Variants in ZNF837 observed in about 807,000 individuals in gnomAD.
ZNF837 encodes the protein zinc finger protein 837.
For missense variants in ZNF837, 955 were observed against 801.7 expected, an observed-to-expected ratio of 1.19 and a Z score of -2.31; for synonymous variants, 475 against 365.2, an observed-to-expected ratio of 1.30 and a Z score of -3.43.
At chr19:58,375,682 A>G (rs1029781253) in intron 1 of ZNF837, among the ~76,000 whole-genome samples, 82 of 150,736 alleles carry the variant, frequency 5.4e-4, no homozygotes, top group African/African-American at 1.9e-3. Context: ...TCCTGACCTC[A>G]TGATCCGCCT....
intron 1 of ZNF837, among the ~76,000 whole-genome samples, chr19:58,374,808 C>A (rs1301675291): frequency 2.0e-5 from 3 of 151,860 alleles, no homozygotes; most frequent in Non-Finnish European, 4.4e-5. Context: ...GTGGCACATT[C>A]CTGTAGTCCC....
chr19:58,380,050 T>C (rs757990126), intron 1 of ZNF837, among the ~76,000 whole-genome samples: 4 of 152,166 alleles, frequency 2.6e-5, no homozygotes, highest in Non-Finnish European at 5.9e-5. Flanking sequence ...GAAGTCAACG[T>C]TGGTGGCTCT....
At chr19:58,376,448 C>G (rs768336839) in intron 1 of ZNF837, among the ~76,000 whole-genome samples, 32 of 148,766 alleles carry the variant, frequency 2.2e-4, no homozygotes, top group Admixed American at 1.3e-3. Flanking sequence ...CCAGCTACTC[C>G]GGAGGCTGAG....
intron 1 of ZNF837, among the ~76,000 whole-genome samples, chr19:58,373,716 A>C (rs1162051734): frequency 6.6e-6 from 1 of 152,224 alleles, no homozygotes; most frequent in African/African-American, 2.4e-5. Flanking sequence ...GCTCATGGGC[A>C]CTGACCGTCC....
intron 1 of ZNF837, among the ~76,000 whole-genome samples, chr19:58,371,112 G>A (rs1228984562): frequency 2.0e-5 from 3 of 151,922 alleles, no homozygotes; most frequent in African/African-American, 4.8e-5. Flanking sequence ...GTGGTGGCGG[G>A]CGCCTGTAGT....
intron 1 of ZNF837, among the ~76,000 whole-genome samples, chr19:58,373,066 C>T (rs1013074666): frequency 3.7e-4 from 57 of 152,328 alleles, no homozygotes; most frequent in African/African-American, 1.3e-3. Context: ...GTGATAACTG[C>T]ACAACCCTCC....
intron 1 of ZNF837, among the ~76,000 whole-genome samples, chr19:58,376,550 GTC>G (rs1325939185): frequency 3.4e-5 from 2 of 59,340 alleles, no homozygotes; most frequent in African/African-American, 8.3e-5. Context: ...GCAAGACTCT[GTC>G]TCAAAAAAAA....
intron 1 of ZNF837, among the ~76,000 whole-genome samples, chr19:58,376,157 G>T (rs779394472): frequency 1.3e-4 from 20 of 152,142 alleles, no homozygotes; most frequent in East Asian, 7.8e-4. Flanking sequence ...GGCCTCAAGT[G>T]ATCCCCCTGC....
rs974474112 is a variant in ZNF837 at position 58,369,218 on chromosome 19, G to T, written c.115C>A (p.Arg39=). ...PEEPRPLEED[R]AGSRPTQKGD... Reference sequence around the variant, plus strand: ...TTTTGAGTGGGGCGGCTCCCAGCTCGGTCCTCTTCGAGGGGCCTCGGCTCC... The same window carrying T: ...TTTTGAGTGGGGCGGCTCCCAGCTCTGTCCTCTTCGAGGGGCCTCGGCTCC... Residue 39 remains arginine (R), a synonymous_variant, in exon 3 of 3, where the codon CGA becomes AGA. Transcript: ENST00000597582. The T allele has an allele frequency of 2.8e-6, 4 of 1,437,742 alleles. No homozygotes were observed. The highest frequency in any genetic ancestry group is 2.9e-5 in the South Asian group (2 of 68,374). The allele number at this position is 1,437,742 out of a possible 1,614,324, so 89.1% of individuals were successfully genotyped here. A position where few individuals can be genotyped will look rare whatever the true frequency, so the allele number is the denominator to read the frequency against.
At chr19:58,374,379 A>G (rs2052224546) in intron 1 of ZNF837, among the ~76,000 whole-genome samples, 1 of 152,254 alleles carries the variant, frequency 6.6e-6, no homozygotes, top group Admixed American at 6.5e-5. Context: ...GTACTAACAC[A>G]TACTGCAACA....
intron 1 of ZNF837, among the ~76,000 whole-genome samples, chr19:58,370,418 T>C (rs979135893): frequency 4.6e-5 from 7 of 152,154 alleles, no homozygotes; most frequent in South Asian, 2.1e-4. Context: ...CATCTCAAGA[T>C]CCAAAACTTC....
At chr19:58,374,601 G>A (rs952904761) in intron 1 of ZNF837, among the ~76,000 whole-genome samples, 22 of 152,094 alleles carry the variant, frequency 1.4e-4, no homozygotes, top group East Asian at 1.9e-4. Flanking sequence ...AATTATAGTG[G>A]TGATGGTTGC....
chr19:58,367,689 C>T lies in ZNF837; in HGVS notation c.*48G>A, dbSNP rs2052145806. The T allele has an allele frequency of 2.8e-6, 4 of 1,449,702 alleles. No homozygotes were observed. Among genetic ancestry groups the T allele is most frequent in the African/African-American group, 1.4e-5 (1 of 69,230 alleles). The allele number at this position is 1,449,702 out of a possible 1,614,324, so 89.8% of individuals were successfully genotyped here. A position where few individuals can be genotyped will look rare whatever the true frequency, so the allele number is the denominator to read the frequency against. On this transcript the variant is annotated 3_prime_UTR_variant, in exon 3 of 3. Transcript: ENST00000597582. ...GTTTTCCGGGACAAAGGCCCCTCCTCGACGCAGGGTTCGCTTGGGCGACGC... is the reference window on the plus strand; with the variant it reads ...GTTTTCCGGGACAAAGGCCCCTCCTTGACGCAGGGTTCGCTTGGGCGACGC...
At chr19:58,378,736 T>G (rs558926586) in intron 1 of ZNF837, among the ~76,000 whole-genome samples, 1 of 152,334 alleles carries the variant, frequency 6.6e-6, no homozygotes, top group East Asian at 1.9e-4. Flanking sequence ...AAGGATCTTG[T>G]GATGAGATCA....
At chr19:58,372,433 C>CG (rs34146307) in intron 1 of ZNF837, among the ~76,000 whole-genome samples, 58,289 of 151,476 alleles carry the variant, frequency 0.38, 11,588 homozygotes, top group Middle Eastern at 0.52. Context: ...TTGGGGAGTC[C>CG]GGGGGGGGCG....
At position 58,367,944 on chromosome 19, in the gene ZNF837, G is replaced by C; in HGVS notation, c.1389C>G (p.Arg463=). The C allele has an allele frequency of 6.5e-7, 1 of 1,533,480 alleles. No homozygotes were observed. Among genetic ancestry groups the C allele is most frequent in the South Asian group, 1.2e-5 (1 of 83,856 alleles). The allele number at this position is 1,533,480 out of a possible 1,614,324, so 95.0% of individuals were successfully genotyped here. Residue 463 remains arginine, a synonymous_variant, in exon 3 of 3, where the codon CGC becomes CGG. Coordinates refer to ENST00000597582, the MANE Select transcript of ZNF837 (RefSeq NM_138466.2). ...GKTFRGCSEL[R]QHERLHSGEK... ...CGCCCGAGTGCAGGCGCTCGTGCTG[G>C]CGCAGCTCGGAGCAGCCGCGGAAGG... is the stretch of plus-strand genomic sequence containing the variant.
At chr19:58,371,240 C>CAA (rs369666456) in intron 1 of ZNF837, among the ~76,000 whole-genome samples, 2,535 of 99,454 alleles carry the variant, frequency 0.025, 122 homozygotes, top group African/African-American at 0.084. Context: ...GACTCTGTCT[C>CAA]AAAAAAAAAA....
chr19:58,371,898 T>A (rs2122123459), intron 1 of ZNF837, among the ~76,000 whole-genome samples: 1 of 151,044 alleles, frequency 6.6e-6, no homozygotes, highest in African/African-American at 2.4e-5. Context: ...ATTTTTTGTA[T>A]TTTTAGTAGA....
chr19:58,370,257 T>G (rs538642784), intron 1 of ZNF837, among the ~76,000 whole-genome samples: 1 of 152,294 alleles, frequency 6.6e-6, no homozygotes, highest in Admixed American at 6.5e-5. Flanking sequence ...CACCTACTTT[T>G]CTTTCTTCCA....
Sources: gnomAD v4.1 joint callset for allele counts (sites outside exome capture counted in the v4.1 genomes callset) on GRCh38, gnomAD v4.1.1 for gene constraint, MANE v1.5 for transcripts, NCBI Gene and HGNC (gene_info 2026-07-23, HGNC 2026-07-21) for gene names.